The following CCR6 variants were observed in gnomAD, a reference collection of about 807,000 sequenced individuals.
The protein encoded by CCR6 is C-C motif chemokine receptor 6.
CCR6 carries 2 observed loss-of-function variants against 3.0 expected under a neutral mutation model. The observed-to-expected ratio is 0.66, with a 90% CI of 0.27 to 2.07. The LOEUF (loss-of-function observed/expected upper bound fraction) is 2.07. Among genes scored for constraint, CCR6 ranks in the 30% most tolerant of loss-of-function variants. CCR6 has a pLI of 0.14. For missense variants in CCR6, 322 were observed against 462.8 expected (o/e 0.70, Z 2.79); for synonymous variants, 193 against 184.3 (o/e 1.05, Z -0.38).
At chr6:167,118,681 T>C (rs1243727532), upstream of CCR6, among the ~76,000 whole-genome samples, 3 of 152,202 alleles carry the variant, frequency 2.0e-5, no homozygotes, top group African/African-American at 7.2e-5. Context: ...AACTTTTGGA[T>C]CAGATGACAT....
At chr6:167,122,613 T>C (rs1156313829), upstream of CCR6, among the ~76,000 whole-genome samples, 1 of 152,168 alleles carries the variant, frequency 6.6e-6, no homozygotes, top group Non-Finnish European at 1.5e-5. The surrounding 1 kb of genome is among the most constrained non-coding windows in gnomAD (Gnocchi z 4.2). Context: ...CCCTCTGAGG[T>C]TAGAGCTGTC....
rs1166786210 is a variant in CCR6 at position 167,137,585 on chromosome 6, GGTATATATCCGC to G, written c.*231_*242del. The stretch of plus-strand genomic sequence containing the variant: ...TGCAAGGAATGTTTTGTAGCTCTAG[GGTATATATCCGC>G]CTGGCATTTCACAAAACAGCCTTTG... On this transcript the variant is annotated 3_prime_UTR_variant, in exon 3 of 3. Coordinates refer to ENST00000341935, the MANE Select transcript of CCR6 (RefSeq NM_031409.4). This position sits in a 1 kb window ranked among gnomAD's most constrained non-coding sequence, Gnocchi z 4.6. 2 of 445,830 alleles carry G rather than the reference GGTATATATCCGC, an allele frequency of 4.5e-6. No individual in the cohort carries two copies. Among genetic ancestry groups the G allele is most frequent in the East Asian group, 7.4e-5 (2 of 27,152 alleles). 27.6% of individuals were successfully genotyped at this position (445,830 alleles called of 1,614,324 possible).
intron 1 of CCR6, among the ~76,000 whole-genome samples, chr6:167,125,110 C>T (rs141499505): frequency 9.9e-5 from 15 of 151,312 alleles, no homozygotes; most frequent in East Asian, 9.8e-4. Flanking sequence ...ACACACACAC[C>T]GACATATGCA....
intron 1 of CCR6, among the ~76,000 whole-genome samples, chr6:167,117,541 C>T (rs183864174): frequency 7.3e-5 from 11 of 150,994 alleles, no homozygotes; most frequent in Admixed American, 1.3e-4. Context: ...CTCAGCCTCC[C>T]GAGTAGCTGG....
At position 167,133,954 on chromosome 6, in the gene CCR6, A is replaced by G. The variant is rs3857517; in HGVS notation, c.-97-2084A>G. On this transcript the variant is annotated intron_variant, in intron 1 of 2. Transcript: ENST00000341935. Reference sequence around the variant, plus strand: ...TGTGTATATATATATATATATATATATATATATATATATATAGTTTTAACA... The same window carrying G: ...TGTGTATATATATATATATATATATGTATATATATATATATAGTTTTAACA... Among the ~76,000 whole-genome samples, 35 of 47,472 alleles carry G rather than the reference A, an allele frequency of 7.4e-4. 2 individuals are homozygous for G. Among genetic ancestry groups the G allele is most frequent in the Non-Finnish European group, 1.3e-3 (17 of 13,522 alleles). The allele number at this position is 47,472 out of a possible 152,430, so 31.1% of individuals were successfully genotyped here.
At chr6:167,117,693 G>A (rs1781522699) in intron 1 of CCR6, among the ~76,000 whole-genome samples, 2 of 151,896 alleles carry the variant, frequency 1.3e-5, no homozygotes, top group African/African-American at 4.8e-5. Flanking sequence ...GGGATTACAG[G>A]CGTGAGCCAC....
In CCR6 at chr6:167,136,969, T is replaced by G; in HGVS notation, c.739T>G (p.Ser247Ala). ...CAAAACCTTGGTGCAAGCTCAGAAT[T>G]CTAAAAGGCACAAAGCCATCCGTGT... ...IVKTLVQAQNSKRHKAIRVII... is the reference protein window; with the variant it reads ...IVKTLVQAQNAKRHKAIRVII... The change falls in exon 3 of 3, where the codon TCT becomes GCT. Residue 247 changes from serine to alanine, a missense_variant. Coordinates refer to ENST00000341935, the MANE Select transcript of CCR6 (RefSeq NM_031409.4). This position sits in a 1 kb window ranked among gnomAD's most constrained non-coding sequence, Gnocchi z 4.6. 6.2e-7 allele frequency: 1 copy of G among 1,614,222 alleles called. No homozygotes were observed. The highest frequency in any genetic ancestry group is 1.1e-5 in the South Asian group (1 of 91,080).
At chr6:167,113,295 G>T (rs149763727) in intron 1 of CCR6, among the ~76,000 whole-genome samples, 1 of 152,070 alleles carries the variant, frequency 6.6e-6, no homozygotes, top group Admixed American at 6.6e-5. Context: ...GATAAGGGGG[G>T]GCTGTTTGGT....
At chr6:167,120,226 G>A (rs888311825), upstream of CCR6, among the ~76,000 whole-genome samples, 1 of 152,154 alleles carries the variant, frequency 6.6e-6, no homozygotes, top group South Asian at 2.1e-4. Flanking sequence ...CCGAAGGCTC[G>A]ATTGGGCTGG....
At chr6:167,115,833 A>G (rs894006796) in intron 1 of CCR6, 4 of 152,192 alleles carry the variant, frequency 2.6e-5, no homozygotes, top group African/African-American at 7.2e-5. Flanking sequence ...TACAAACACC[A>G]TTATGATTTT....
intron 1 of CCR6, 135 bp downstream of exon 1, chr6:167,123,358 GAC>G (rs758833834): frequency 1.3e-5 from 2 of 152,460 alleles, no homozygotes; most frequent in Non-Finnish European, 2.9e-5. Context: ...TATGCTTAAC[GAC>G]ACAGACTTCC....
At chr6:167,134,765 G>T (rs943671758) in intron 1 of CCR6, among the ~76,000 whole-genome samples, 2 of 152,234 alleles carry the variant, frequency 1.3e-5, no homozygotes, top group Non-Finnish European at 2.9e-5. Flanking sequence ...GAAAAGAGGA[G>T]GAAGATGGGC....
rs1781887403 is a variant in CCR6 at position 167,138,681 on chromosome 6, G to A, written c.*1326G>A. 6.6e-6 allele frequency: 1 copy of A among 152,328 alleles called. No homozygotes were observed. Among genetic ancestry groups the A allele is most frequent in the Admixed American group, 6.5e-5 (1 of 15,286 alleles). 9.4% of individuals were successfully genotyped at this position (152,328 alleles called of 1,614,324 possible). The stretch of plus-strand genomic sequence containing the variant: ...ATGGTGGCTCACACCTGTAATCCCA[G>A]CATTTTGGGAAGCTAAGATGGGTGG... On this transcript the variant is annotated 3_prime_UTR_variant, in exon 3 of 3. Coordinates refer to ENST00000341935, the MANE Select transcript of CCR6 (RefSeq NM_031409.4).
rs541271707 is a variant in CCR6 at position 167,132,481 on chromosome 6, C to T, written c.-97-3557C>T. Among the ~76,000 whole-genome samples, 9 of 152,222 alleles carry T rather than the reference C, an allele frequency of 5.9e-5. No individual in the cohort carries two copies. The East Asian group carries it at 1.4e-3, about 23-fold the overall frequency. ...ACCATGTCCTCTCCCAGCTTCCAGC[C>T]CCCTGTTTAATCTTAGTCCTTCCAG... is the stretch of plus-strand genomic sequence containing the variant. On this transcript the variant is annotated intron_variant, in intron 1 of 2. Transcript: ENST00000341935.
In CCR6 at chr6:167,134,745, C is replaced by G. The variant is rs79328438; in HGVS notation, c.-97-1293C>G. On this transcript the variant is annotated intron_variant, in intron 1 of 2. Transcript: ENST00000341935. ...TTGGCATGGCCAGGCCCACGTGGTG[C>G]GAGAGCAGGGAAAAGAGGAGGAAGA... Among the ~76,000 whole-genome samples the G allele has an allele frequency of 4.8e-4, 73 of 152,138 alleles. No homozygotes were observed. In the East Asian group the frequency reaches 0.012, roughly 25 times the overall value.
At chr6:167,123,730 T>A (rs1781622187) in intron 1 of CCR6, among the ~76,000 whole-genome samples, 1 of 152,146 alleles carries the variant, frequency 6.6e-6, no homozygotes, top group African/African-American at 2.4e-5. Flanking sequence ...TCAACAAGTC[T>A]CAGTTGCAAA....
At chr6:167,125,962 A>C (rs1781663159) in intron 1 of CCR6, among the ~76,000 whole-genome samples, 1 of 152,254 alleles carries the variant, frequency 6.6e-6, no homozygotes, top group African/African-American at 2.4e-5. Flanking sequence ...GAAATGTTAA[A>C]ATTGAAATTC....
rs1254164394 is a variant in CCR6, at chr6:167,136,641, T to G, written c.411T>G (p.Thr137=). ...TTAACTGCGGGATGCTGCTCCTGAC[T>G]TGCATTAGCATGGACCGGTACATCG... ...INFNCGMLLL[T]CISMDRYIAI... is the part of the protein sequence containing the mutation. The change falls in exon 3 of 3, where the codon ACT becomes ACG. Residue 137 remains threonine, a synonymous_variant. Coordinates refer to ENST00000341935, the MANE Select transcript of CCR6 (RefSeq NM_031409.4). This position sits in a 1 kb window ranked among gnomAD's most constrained non-coding sequence, Gnocchi z 4.6. 6.2e-7 allele frequency: 1 copy of G among 1,614,106 alleles called. No homozygotes were observed. Among genetic ancestry groups the G allele is most frequent in the South Asian group, 1.1e-5 (1 of 91,060 alleles).
chr6:167,123,755 T>G (rs1158511184), intron 1 of CCR6, among the ~76,000 whole-genome samples: 1 of 152,134 alleles, frequency 6.6e-6, no homozygotes, highest in Non-Finnish European at 1.5e-5. Context: ...TCATGAGGGC[T>G]GCCAATGCCA....
Sources: allele counts gnomAD v4.1 joint callset (sites outside exome capture counted in the v4.1 genomes callset), GRCh38; gene constraint gnomAD v4.1.1; non-coding constraint Gnocchi (gnomAD v3.1); transcripts MANE v1.5; gene names NCBI Gene and HGNC (gene_info 2026-07-23, HGNC 2026-07-21).